The following LRRC37A2 variants were observed in gnomAD, a reference collection of about 807,000 sequenced individuals.
LRRC37A2 encodes leucine-rich repeat-containing protein 37A2.
LRRC37A2 carries 9 observed loss-of-function variants against 68.8 expected under a neutral mutation model. That is an observed-to-expected ratio of 0.13 (90% CI 0.08 to 0.23). The LOEUF (loss-of-function observed/expected upper bound fraction) is 0.23, where lower values mean the gene tolerates loss of function less well. Ranked by LOEUF, LRRC37A2 falls within the 10% of genes least tolerant of loss-of-function variation. The pLI is 1.00. For synonymous variants in LRRC37A2, 63 were observed against 367.6 expected, an observed-to-expected ratio of 0.17 and a Z score of 9.48; for missense variants, 168 against 950.4, an observed-to-expected ratio of 0.18 and a Z score of 10.82.
chr17:46,862,570 GT>G, the LRRC37A2 span, among the ~76,000 whole-genome samples: 70 of 152,086 alleles, frequency 4.6e-4, no homozygotes, highest in Admixed American at 1.8e-3. Context: ...TGCAAGCTGA[GT>G]TTTTTTTGTT....
chr17:47,028,936 T>C, the LRRC37A2 span, among the ~76,000 whole-genome samples: 1 of 151,282 alleles, frequency 6.6e-6, no homozygotes, highest in Non-Finnish European at 1.5e-5. Flanking sequence ...CCCAGCACCT[T>C]GGGAGGCCAA....
At chr17:46,755,231 C>T in the LRRC37A2 span, 1 of 1,034,376 alleles carries the variant, frequency 9.7e-7, no homozygotes, top group Non-Finnish European at 1.5e-6. Flanking sequence ...AAGTGTGAAA[C>T]CGAACACTGC....
At chr17:46,964,203 C>T in the LRRC37A2 span, 1 of 152,196 alleles carries the variant, frequency 6.6e-6, no homozygotes, top group South Asian at 2.1e-4. Flanking sequence ...CAGTTTCACA[C>T]ATGAGAAAAT....
the LRRC37A2 span, among the ~76,000 whole-genome samples, chr17:46,602,764 T>C: frequency 2.0e-5 from 3 of 147,590 alleles, no homozygotes; most frequent in African/African-American, 7.7e-5. Flanking sequence ...TGACTATTTT[T>C]CTCCTAGAGA....
At chr17:46,551,166 T>C in intron 11 of LRRC37A2, among the ~76,000 whole-genome samples, 2 of 149,310 alleles carry the variant, frequency 1.3e-5, no homozygotes. Flanking sequence ...TGTGAGACAT[T>C]CCCCCTCAGA....
the LRRC37A2 span, among the ~76,000 whole-genome samples, chr17:46,971,918 G>A: frequency 6.6e-6 from 1 of 152,236 alleles, no homozygotes; most frequent in East Asian, 1.9e-4. Context: ...TTAGGAAGTA[G>A]AGAGAAAGGC....
At chr17:46,873,146 A>G in the LRRC37A2 span, among the ~76,000 whole-genome samples, 1 of 151,644 alleles carries the variant, frequency 6.6e-6, no homozygotes, top group Non-Finnish European at 1.5e-5. Flanking sequence ...AACAAGGCAC[A>G]TGAAGACGTG....
the LRRC37A2 span, among the ~76,000 whole-genome samples, chr17:46,959,212 GGACA>G: frequency 1.3e-5 from 2 of 152,170 alleles, no homozygotes; most frequent in African/African-American, 4.8e-5. Flanking sequence ...CCAGACAGAT[GGACA>G]GACTGACTGT....
chr17:46,814,019 C>A, the LRRC37A2 span, among the ~76,000 whole-genome samples: 1 of 152,314 alleles, frequency 6.6e-6, no homozygotes, highest in South Asian at 2.1e-4. Flanking sequence ...CAAGCACCTC[C>A]TAAAGGACTT....
the LRRC37A2 span, among the ~76,000 whole-genome samples, chr17:47,021,056 C>T: frequency 0.029 from 4,367 of 152,060 alleles, 81 homozygotes; most frequent in East Asian, 0.042. Flanking sequence ...AGTAGACCAA[C>T]GTGGTTACAA....
At chr17:46,733,430 C>T in the LRRC37A2 span, among the ~76,000 whole-genome samples, 6 of 152,052 alleles carry the variant, frequency 3.9e-5, 1 homozygote, top group Non-Finnish European at 8.8e-5. Context: ...CCAGTTTCCT[C>T]AACAAGTGTG....
the LRRC37A2 span, among the ~76,000 whole-genome samples, chr17:46,971,845 T>G: frequency 6.6e-6 from 1 of 152,190 alleles, no homozygotes; most frequent in Admixed American, 6.5e-5. Flanking sequence ...GTGTGCATGT[T>G]TTTCTTCTGT....
chr17:47,022,137 A>C, the LRRC37A2 span, among the ~76,000 whole-genome samples: 1 of 141,316 alleles, frequency 7.1e-6, no homozygotes, highest in African/African-American at 2.6e-5. Flanking sequence ...TTATCATACA[A>C]ATAATACATG....
chr17:46,967,037 A>G, the LRRC37A2 span: 2 of 199,988 alleles, frequency 1.0e-5, no homozygotes, highest in Non-Finnish European at 2.0e-5. Flanking sequence ...TGTGTGTCCA[A>G]CAAAGGTTTG....
the LRRC37A2 span, chr17:47,033,332 G>A: frequency 8.6e-6 from 6 of 699,968 alleles, no homozygotes; most frequent in African/African-American, 1.8e-5. Flanking sequence ...GATGCAGTCC[G>A]AGGTCTTGTA....
the LRRC37A2 span, among the ~76,000 whole-genome samples, chr17:46,831,884 C>G: frequency 6.6e-6 from 1 of 152,248 alleles, no homozygotes; most frequent in Non-Finnish European, 1.5e-5. Flanking sequence ...TCTGCTTCCC[C>G]GTGATCCCTG....
At chr17:46,725,735 G>A in the LRRC37A2 span, among the ~76,000 whole-genome samples, 4 of 152,138 alleles carry the variant, frequency 2.6e-5, no homozygotes, top group African/African-American at 9.7e-5. Flanking sequence ...TTGGTGTGCT[G>A]AGGTTGGTTA....
At chr17:46,712,247 A>G in the LRRC37A2 span, among the ~76,000 whole-genome samples, 10 of 152,200 alleles carry the variant, frequency 6.6e-5, no homozygotes, top group East Asian at 3.8e-4. Context: ...ATTATTGTCA[A>G]TCATAATTAT....
the LRRC37A2 span, among the ~76,000 whole-genome samples, chr17:46,787,926 A>G: frequency 1.3e-5 from 2 of 151,366 alleles, no homozygotes; most frequent in Middle Eastern, 6.9e-3. Context: ...ACTGCACTCC[A>G]GCCTGGGCAA....
Sources: allele counts gnomAD v4.1 joint callset (sites outside exome capture counted in the v4.1 genomes callset), GRCh38; gene constraint gnomAD v4.1.1; transcripts MANE v1.5; gene names NCBI Gene and HGNC (gene_info 2026-07-23, HGNC 2026-07-21).